The following ASAP2 variants were observed in gnomAD, a reference collection of about 807,000 sequenced individuals.
The protein encoded by ASAP2 is arf-GAP with SH3 domain, ANK repeat and PH domain-containing protein 2.
In ASAP2, 45 loss-of-function variants were observed where a neutral mutation model predicts 131.4. The observed-to-expected ratio is 0.34, with a 90% confidence interval of 0.27 to 0.44. The LOEUF (loss-of-function observed/expected upper bound fraction) is 0.44. ASAP2 is among the 20% of genes least tolerant of loss of function. The pLI, the probability that ASAP2 is intolerant of heterozygous loss-of-function variation, is 1.00. For missense variants in ASAP2, 1,011 were observed against 1,297.0 expected (o/e 0.78, Z 3.39); for synonymous variants, 510 against 503.0 (o/e 1.01, Z -0.19).
At chr2:9,230,392 C>G (rs180878830) in intron 1 of ASAP2, among the ~76,000 whole-genome samples, 149 of 152,336 alleles carry the variant, frequency 9.8e-4, no homozygotes, top group African/African-American at 3.5e-3. Flanking sequence ...GCAGCCGTGA[C>G]TCTGGCAGGC....
chr2:9,255,124 G>T (rs1572265852), intron 1 of ASAP2, among the ~76,000 whole-genome samples: 2 of 152,156 alleles, frequency 1.3e-5, no homozygotes, highest in South Asian at 2.1e-4. Context: ...GTGTGTAATG[G>T]AATCTTATTG....
intron 2 of ASAP2, among the ~76,000 whole-genome samples, chr2:9,291,648 C>T (rs544150506): frequency 6.6e-6 from 1 of 152,296 alleles, no homozygotes; most frequent in African/African-American, 2.4e-5. Context: ...ACGCTCCCTT[C>T]GCCGAGCTGT....
At chr2:9,317,084 C>A (rs1363612764) in intron 3 of ASAP2, among the ~76,000 whole-genome samples, 1 of 150,054 alleles carries the variant, frequency 6.7e-6, no homozygotes, top group South Asian at 2.1e-4. Context: ...ATCACATCCA[C>A]ACACACACTC....
At chr2:9,255,208 G>C (rs1665073822) in intron 1 of ASAP2, among the ~76,000 whole-genome samples, 1 of 152,272 alleles carries the variant, frequency 6.6e-6, no homozygotes, top group Middle Eastern at 3.4e-3. Context: ...TTGATGTTAT[G>C]TGTCTATACT....
At chr2:9,244,679 A>G (rs545657015) in intron 1 of ASAP2, among the ~76,000 whole-genome samples, 41 of 152,308 alleles carry the variant, frequency 2.7e-4, no homozygotes, top group African/African-American at 9.4e-4. Flanking sequence ...GGCTTTTACT[A>G]CCATTGCAGC....
intron 1 of ASAP2, among the ~76,000 whole-genome samples, chr2:9,238,205 T>C (rs1467578030): frequency 6.6e-6 from 1 of 152,246 alleles, no homozygotes; most frequent in Non-Finnish European, 1.5e-5. Flanking sequence ...TTAGATTGTA[T>C]GCTGGTTCCT....
At chr2:9,354,792 T>C (rs964957568) in intron 12 of ASAP2, among the ~76,000 whole-genome samples, 1 of 152,206 alleles carries the variant, frequency 6.6e-6, no homozygotes, top group African/African-American at 2.4e-5. Flanking sequence ...CCCAGTCACT[T>C]ACCAAGAGTT....
At chr2:9,369,635 C>T (rs562307398) in intron 16 of ASAP2, among the ~76,000 whole-genome samples, 3 of 152,202 alleles carry the variant, frequency 2.0e-5, no homozygotes, top group South Asian at 2.1e-4. Flanking sequence ...GCTGGGTCAG[C>T]GTGTCCTGGC....
chr2:9,208,199 G>A (rs1199964320), intron 1 of ASAP2, among the ~76,000 whole-genome samples: 2 of 151,974 alleles, frequency 1.3e-5, no homozygotes, highest in Non-Finnish European at 2.9e-5. Context: ...CACTCTGCTC[G>A]GCTCAGAATA....
rs147542408 is a variant in ASAP2, at chr2:9,281,089, C to A, written c.199+1700C>A. Among the ~76,000 whole-genome samples the A allele has an allele frequency of 6.6e-6, 1 of 151,958 alleles. No individual in the cohort carries two copies. Among genetic ancestry groups the A allele is most frequent in the Non-Finnish European group, 1.5e-5 (1 of 68,008 alleles). Reference sequence around the variant, plus strand: ...TTCAGTGAGTCACTAAGAAATGGTACGCCCAGTTTCATTGACAAGCACCAG... The same window carrying A: ...TTCAGTGAGTCACTAAGAAATGGTAAGCCCAGTTTCATTGACAAGCACCAG... On this transcript the variant is annotated intron_variant, in intron 2 of 27. Coordinates refer to ENST00000281419, the MANE Select transcript of ASAP2 (RefSeq NM_003887.3). This position sits in a 1 kb window ranked among gnomAD's most constrained non-coding sequence, Gnocchi z 4.0.
At chr2:9,393,722 T>C (rs1237807079) in intron 24 of ASAP2, 75 bp downstream of exon 24, 1 of 1,428,264 alleles carries the variant, frequency 7.0e-7, no homozygotes, top group Non-Finnish European at 9.3e-7. Flanking sequence ...TCTGCAGGAA[T>C]GTTTGCAATC....
intron 6 of ASAP2, among the ~76,000 whole-genome samples, chr2:9,324,638 A>G (rs903525040): frequency 2.6e-5 from 4 of 152,168 alleles, no homozygotes; most frequent in Non-Finnish European, 5.9e-5. Flanking sequence ...CCAGTAATCC[A>G]TGAATGGATT....
intron 11 of ASAP2, among the ~76,000 whole-genome samples, chr2:9,346,654 C>T (rs111844553): frequency 3.3e-3 from 502 of 152,252 alleles, no homozygotes; most frequent in East Asian, 0.017. Context: ...GTTTGAACTC[C>T]GATTGACTGC....
chr2:9,350,843 C>G lies in ASAP2; in HGVS notation c.1059C>G (p.Thr353=). The G allele has an allele frequency of 6.2e-7, 1 of 1,613,728 alleles. No homozygotes were observed. Among genetic ancestry groups the G allele is most frequent in the Non-Finnish European group, 8.5e-7 (1 of 1,179,736 alleles). The change falls in exon 12 of 28, where the codon ACC becomes ACG. Residue 353 remains threonine, a synonymous_variant. Transcript: ENST00000281419. ...CTCCTGCAAAGCTCAACCTGCTAAC[C>G]TGCCAGGTGAAGACCAACCCTGAGG... The part of the protein sequence containing the change: ...NRPPAKLNLL[T]CQVKTNPEEK...
At chr2:9,317,109 C>T (rs1669747745) in intron 3 of ASAP2, among the ~76,000 whole-genome samples, 1 of 61,244 alleles carries the variant, frequency 1.6e-5, no homozygotes, top group South Asian at 5.0e-4. Context: ...ACACTCATAC[C>T]CCACGCAATC....
intron 1 of ASAP2, among the ~76,000 whole-genome samples, chr2:9,221,143 C>T (rs1662386263): frequency 6.6e-6 from 1 of 151,992 alleles, no homozygotes; most frequent in Non-Finnish European, 1.5e-5. Flanking sequence ...TTGAGGCTCC[C>T]TTGCATTTCC....
intron 3 of ASAP2, among the ~76,000 whole-genome samples, chr2:9,310,041 C>T (rs1357982273): frequency 6.6e-6 from 1 of 152,186 alleles, no homozygotes; most frequent in Non-Finnish European, 1.5e-5. Flanking sequence ...ATGCTGCAGC[C>T]TCTGCTAAGA....
At position 9,400,757 on chromosome 2, in the gene ASAP2, C is replaced by T. The variant is rs200319277; in HGVS notation, c.2750C>T (p.Thr917Met). The T allele has an allele frequency of 9.3e-6, 15 of 1,613,628 alleles. No individual in the cohort carries two copies. Among genetic ancestry groups the T allele is most frequent in the Admixed American group, 5.0e-5 (3 of 60,008 alleles). Residue 917 changes from threonine to methionine, a missense_variant, in exon 26 of 28, where the codon ACG becomes ATG. This residue lies in a region of ASAP2 where 652 missense variants were observed against 698.9 expected (regional missense o/e 0.93). Transcript: ENST00000281419. ...QPRGPVDLSA[T>M]EALGPLSNAM... The stretch of plus-strand genomic sequence containing the variant: ...TGCCCTACAGTGGATCTCTCTGCAA[C>T]GGAAGCTCTGGGTCCTCTGTCCAAT...
intron 24 of ASAP2, among the ~76,000 whole-genome samples, chr2:9,394,992 C>T (rs575261940): frequency 1.9e-4 from 29 of 152,316 alleles, no homozygotes; most frequent in Middle Eastern, 3.4e-3. Flanking sequence ...CCTACATGTC[C>T]CTGGCATGGG....
Sources: allele counts gnomAD v4.1 joint callset (sites outside exome capture counted in the v4.1 genomes callset), GRCh38; gene constraint gnomAD v4.1.1; regional missense constraint gnomAD v4.1.1; non-coding constraint Gnocchi (gnomAD v3.1); transcripts MANE v1.5; gene names NCBI Gene and HGNC (gene_info 2026-07-23, HGNC 2026-07-21).